ANKFY1: variants seen among roughly 807,000 people sequenced by gnomAD.
ANKFY1 encodes ankyrin repeat and FYVE domain-containing protein 1.
Under a neutral mutation model 128.3 loss-of-function variants are expected in ANKFY1, and 47 were observed. That is an observed-to-expected ratio of 0.37 (90% CI 0.29 to 0.47). The LOEUF (loss-of-function observed/expected upper bound fraction) is 0.47, where lower values mean the gene tolerates loss of function less well. ANKFY1 is among the 20% of genes least tolerant of loss of function. The pLI is 1.00. For missense variants in ANKFY1, 1,222 were observed against 1,510.6 expected, an observed-to-expected ratio of 0.81 and a Z score of 3.17; for synonymous variants, 553 against 601.6, an observed-to-expected ratio of 0.92 and a Z score of 1.18.
rs2059450100 is a variant in ANKFY1, at chr17:4,178,538, T to C, written c.2598+319A>G. On this transcript the variant is annotated intron_variant, in intron 18 of 24. Coordinates refer to ENST00000341657, the MANE Select transcript of ANKFY1 (RefSeq NM_001330063.2). This position sits in a 1 kb window ranked among gnomAD's most constrained non-coding sequence, Gnocchi z 4.1. ...ACAACACAAGCTCTTTCAAAGACAC[T>C]CCTCACTAGGACAGTTAACCAACCT... The C allele has an allele frequency of 2.8e-6, 1 of 352,130 alleles. No homozygotes were observed. Among genetic ancestry groups the C allele is most frequent in the African/African-American group, 2.1e-5 (1 of 48,620 alleles). The allele number at this position is 352,130 out of a possible 1,614,324, so 21.8% of individuals were successfully genotyped here.
intron 10 of ANKFY1, among the ~76,000 whole-genome samples, chr17:4,189,727 G>A (rs113153101): frequency 2.3e-4 from 35 of 149,092 alleles, no homozygotes; most frequent in African/African-American, 3.7e-4. Context: ...GTAGGCCCAC[G>A]CCAGACAGTA....
At chr17:4,252,391 C>A (rs1176548001) in intron 1 of ANKFY1, among the ~76,000 whole-genome samples, 2 of 151,954 alleles carry the variant, frequency 1.3e-5, no homozygotes, top group Admixed American at 6.6e-5. Context: ...CAGAGTGAGA[C>A]CCCCGTCTCC....
At chr17:4,239,113 A>AT (rs1442541068) in intron 2 of ANKFY1, among the ~76,000 whole-genome samples, 1 of 152,208 alleles carries the variant, frequency 6.6e-6, no homozygotes, top group Non-Finnish European at 1.5e-5. Context: ...AGATCATACC[A>AT]TAACTAGCTA....
At chr17:4,246,345 A>T (rs1967538413) in intron 1 of ANKFY1, among the ~76,000 whole-genome samples, 1 of 152,194 alleles carries the variant, frequency 6.6e-6, no homozygotes, top group Non-Finnish European at 1.5e-5. Flanking sequence ...AGCTTGTATC[A>T]GTCAACAGAT....
At chr17:4,170,945 G>T in intron 22 of ANKFY1, 84 bp from the exon 23 acceptor site, 1 of 1,594,408 alleles carries the variant, frequency 6.3e-7, no homozygotes, top group Non-Finnish European at 8.6e-7. Context: ...ACAGCCAAGG[G>T]CAGAACAGAC....
rs533419503 is a variant in ANKFY1 at position 4,173,876 on chromosome 17, C to T, written c.2923+33G>A. On this transcript the variant is annotated intron_variant, in intron 20 of 24. Coordinates refer to ENST00000341657, the MANE Select transcript of ANKFY1 (RefSeq NM_001330063.2). ...ACCCCCACCCCTAGAATGGAGGGAT[C>T]GTTCAAGCCACTAAAGAATGACTGG... 103 of 1,595,432 alleles carry T rather than the reference C, an allele frequency of 6.5e-5. 1 individual carries two copies. In the South Asian group the frequency reaches 9.6e-4, roughly 15 times the overall value.
At chr17:4,180,791 AAG>A (rs1472897932) in intron 16 of ANKFY1, among the ~76,000 whole-genome samples, 2 of 151,698 alleles carry the variant, frequency 1.3e-5, no homozygotes, top group Non-Finnish European at 2.9e-5. Flanking sequence ...AAAAGAAAGA[AAG>A]AAAACCAGAA....
intron 7 of ANKFY1, among the ~76,000 whole-genome samples, chr17:4,201,479 ATTTTTTTTT>A (rs59058325): frequency 0.8 from 108,638 of 135,912 alleles, 45,361 homozygotes; most frequent in South Asian, 0.97. Flanking sequence ...CCTGTGTCTG[ATTTTTTTTT>A]TTTTTTTTTT....
rs2059843542 is a variant in ANKFY1 at position 4,197,297 on chromosome 17, G to A, written c.1103+76C>T. On this transcript the variant is annotated intron_variant, in intron 8 of 24. Transcript: ENST00000341657. ...CCAAACTAAAGAACATGAACTCCCC[G>A]TATGCCAATTACATGCTACTGTAAG... 4 of 1,487,632 alleles carry A rather than the reference G, an allele frequency of 2.7e-6. No homozygotes were observed. The East Asian group carries it at 9.1e-5, about 34-fold the overall frequency. The allele number at this position is 1,487,632 out of a possible 1,614,324, so 92.2% of individuals were successfully genotyped here.
intron 5 of ANKFY1, among the ~76,000 whole-genome samples, chr17:4,209,363 C>T (rs1053475294): frequency 6.2e-4 from 94 of 152,162 alleles, no homozygotes; most frequent in African/African-American, 2.1e-3. Flanking sequence ...TGCAGTGGCG[C>T]GATCTCAGTT....
At position 4,165,963 on chromosome 17, in the gene ANKFY1, T is replaced by G. The variant is rs2059204153; in HGVS notation, c.*1816A>C. On this transcript the variant is annotated 3_prime_UTR_variant, in exon 25 of 25. Transcript: ENST00000341657. ...ATGGCCCTTTCCAGGTAATAGAAAA[T>G]GGAAACTGACCACATGCCTCACATG... is the stretch of plus-strand genomic sequence containing the variant. The G allele has an allele frequency of 6.6e-6, 1 of 152,150 alleles. No individual in the cohort carries two copies. Among genetic ancestry groups the G allele is most frequent in the South Asian group, 2.1e-4 (1 of 4,826 alleles). The allele number at this position is 152,150 out of a possible 1,614,324, so 9.4% of individuals were successfully genotyped here.
Position 4,217,021 on chromosome 17 carries a change from T to C in ANKFY1, c.420A>G (p.Lys140=). ...GCTGTAGCTGAAACCGATTTGCTAG[T>C]TTCATCAGTTCAGTCAGGAACACAT... ...EDDVFLTELM[K]LANRFQLQLL... Residue 140 remains lysine (K), a synonymous_variant, in exon 4 of 25, where the codon AAA becomes AAG. Coordinates refer to ENST00000341657, the MANE Select transcript of ANKFY1 (RefSeq NM_001330063.2). 2.5e-6 allele frequency: 4 copies of C among 1,614,170 alleles called. No individual in the cohort carries two copies. Among genetic ancestry groups the C allele is most frequent in the Non-Finnish European group, 3.4e-6 (4 of 1,180,034 alleles).
At chr17:4,216,201 AAC>A (rs1321040232) in intron 4 of ANKFY1, among the ~76,000 whole-genome samples, 2 of 152,218 alleles carry the variant, frequency 1.3e-5, no homozygotes, top group Non-Finnish European at 2.9e-5. Flanking sequence ...CTCTAGGGAA[AAC>A]ACAGCAATAG....
intron 8 of ANKFY1, among the ~76,000 whole-genome samples, chr17:4,195,943 C>A (rs1037548728): frequency 1.3e-5 from 2 of 151,834 alleles, no homozygotes; most frequent in Non-Finnish European, 2.9e-5. Context: ...GGGAGCCCTG[C>A]AGGAGACTGG....
Position 4,195,030 on chromosome 17 carries a change from T to G in ANKFY1, c.1320A>C (p.Ala440=), listed in dbSNP as rs759008573. ...NGTSFDENSF[A]ARLIQRGSHT... is the part of the protein sequence containing the mutation. ...GGCTGCCGCGCTGGATGAGTCTGGC[T>G]GCAAAGCTGTTCTCATCAAATGAAG... The change falls in exon 10 of 25, where the codon GCA becomes GCC. Residue 440 remains alanine (A), a synonymous_variant. Coordinates refer to ENST00000341657, the MANE Select transcript of ANKFY1 (RefSeq NM_001330063.2). 6.3e-5 allele frequency: 101 copies of G among 1,614,092 alleles called. No individual in the cohort carries two copies. Among genetic ancestry groups the G allele is most frequent in the Non-Finnish European group, 7.4e-5 (87 of 1,180,050 alleles).
chr17:4,184,950 C>T lies in ANKFY1; in HGVS notation c.1567G>A (p.Glu523Lys). 6.2e-7 allele frequency: 1 copy of T among 1,614,084 alleles called. No homozygotes were observed. Among genetic ancestry groups the T allele is most frequent in the South Asian group, 1.1e-5 (1 of 91,086 alleles). ...QGANPNLQTE[E>K]ALPLPKEAAS... The stretch of plus-strand genomic sequence containing the variant: ...GCCTCCTTTGGCAGAGGCAGAGCTT[C>T]CTCCGTCTGCAGGTTTGGGTTGGCG... The change falls in exon 12 of 25, where the codon GAA (glutamate) becomes AAA (lysine). Residue 523 changes from glutamate to lysine, a missense_variant. Glu to Lys is a moderately conservative substitution (Grantham distance 56, BLOSUM62 1). Transcript: ENST00000341657.
chr17:4,222,309 C>G, intron 3 of ANKFY1: 3 of 703,648 alleles, frequency 4.3e-6, no homozygotes, highest in Admixed American at 3.9e-5. Flanking sequence ...ACCGGCTGAT[C>G]GGTCTTGATG....
intron 20 of ANKFY1, among the ~76,000 whole-genome samples, chr17:4,173,704 G>A (rs986104395): frequency 6.6e-6 from 1 of 152,216 alleles, no homozygotes; most frequent in African/African-American, 2.4e-5. Flanking sequence ...GGCAGTGTGG[G>A]CTTCCAGGGC....
chr17:4,223,051 C>G, intron 3 of ANKFY1: 1 of 741,254 alleles, frequency 1.3e-6, no homozygotes, highest in South Asian at 1.5e-5. Flanking sequence ...CAAGAAGGTA[C>G]TCTTGGGCAT....
Sources: allele counts gnomAD v4.1 joint callset (sites outside exome capture counted in the v4.1 genomes callset), GRCh38; gene constraint gnomAD v4.1.1; non-coding constraint Gnocchi (gnomAD v3.1); transcripts MANE v1.5; gene names NCBI Gene and HGNC (gene_info 2026-07-23, HGNC 2026-07-21).